The following TRAF5 variants were observed in gnomAD, a reference collection of about 807,000 sequenced individuals.
The protein encoded by TRAF5 is TNF receptor-associated factor 5.
TRAF5 carries 48 observed loss-of-function variants against 64.5 expected under a neutral mutation model. The observed-to-expected ratio is 0.74, with a 90% CI of 0.59 to 0.95. TRAF5 has a LOEUF of 0.95. Ranked by LOEUF, TRAF5 falls within the 40% of genes least tolerant of loss-of-function variation. The pLI is 0.00. For missense variants in TRAF5, 545 were observed against 662.8 expected, an observed-to-expected ratio of 0.82 and a Z score of 1.95; for synonymous variants, 206 against 240.5, an observed-to-expected ratio of 0.86 and a Z score of 1.33.
intron 1 of TRAF5, among the ~76,000 whole-genome samples, chr1:211,334,793 G>T (rs1702247345): frequency 2.6e-5 from 4 of 152,224 alleles, no homozygotes; most frequent in African/African-American, 9.6e-5. Context: ...GGCCATCCTT[G>T]CGAGGAGAAC....
intron 1 of TRAF5, among the ~76,000 whole-genome samples, chr1:211,328,545 G>T (rs1193385819): frequency 6.6e-6 from 1 of 152,194 alleles, no homozygotes; most frequent in Admixed American, 6.5e-5. Context: ...TTGGGTAGTA[G>T]GGCGATGGAA....
At chr1:211,371,524 A>T in intron 10 of TRAF5, 54 bp downstream of exon 10, 1 of 1,556,160 alleles carries the variant, frequency 6.4e-7, no homozygotes, top group Non-Finnish European at 8.7e-7. Context: ...GCATGTGTTC[A>T]TGAAACAACC....
Position 211,359,811 on chromosome 1 carries a change from G to GCTGCCCAC in TRAF5, c.379-99_379-92dup, listed in dbSNP as rs141178015. On this transcript the variant is annotated intron_variant, in intron 4 of 10. Coordinates refer to ENST00000261464, the MANE Select transcript of TRAF5 (RefSeq NM_001033910.3). ...TGCCCTGTGCAAGCCTTTCTGCCCA[G>GCTGCCCAC]CTGCCCACCCTGTTCTCTCTCCCTC... 1.2e-3 allele frequency: 1,763 copies of GCTGCCCAC among 1,442,008 alleles called. 31 individuals are homozygous for GCTGCCCAC. In the East Asian group the frequency reaches 0.037, roughly 30 times the overall value. 89.3% of individuals were successfully genotyped at this position (1,442,008 alleles called of 1,614,324 possible). A position where few individuals can be genotyped will look rare whatever the true frequency, so the allele number is the denominator to read the frequency against.
intron 1 of TRAF5, among the ~76,000 whole-genome samples, chr1:211,335,465 A>G (rs1702265971): frequency 6.6e-6 from 1 of 152,164 alleles, no homozygotes; most frequent in South Asian, 2.1e-4. Context: ...AATATAAGAC[A>G]CAATTCCAGC....
At chr1:211,348,144 A>G (rs887383869) in intron 1 of TRAF5, among the ~76,000 whole-genome samples, 1 of 152,208 alleles carries the variant, frequency 6.6e-6, no homozygotes, top group Non-Finnish European at 1.5e-5. Context: ...TAAATGATAT[A>G]TGATATGCAA....
At chr1:211,351,031 CTTTT>C (rs11426853) in intron 1 of TRAF5, among the ~76,000 whole-genome samples, 1 of 116,036 alleles carries the variant, frequency 8.6e-6, no homozygotes, top group African/African-American at 3.4e-5. Flanking sequence ...CTGGCCTCTT[CTTTT>C]TTTTTTTTTT....
intron 1 of TRAF5, among the ~76,000 whole-genome samples, chr1:211,344,618 T>C (rs1236425004): frequency 3.3e-5 from 5 of 152,196 alleles, no homozygotes; most frequent in African/African-American, 1.2e-4. Flanking sequence ...AGGGGTTTCT[T>C]CTTCAGTTTT....
chr1:211,327,468 C>A (rs376583025), intron 1 of TRAF5, among the ~76,000 whole-genome samples: 1 of 152,236 alleles, frequency 6.6e-6, no homozygotes, highest in Non-Finnish European at 1.5e-5. Flanking sequence ...CCCCCTCCCC[C>A]AGAAGGCGAG....
chr1:211,366,932 G>A lies in TRAF5; in HGVS notation c.789+1464G>A, dbSNP rs544831551. Among the ~76,000 whole-genome samples the A allele has an allele frequency of 8.3e-4, 126 of 152,076 alleles. 1 individual carries two copies. The highest frequency in any genetic ancestry group is 3.4e-3 in the Middle Eastern group (1 of 294). On this transcript the variant is annotated intron_variant, in intron 8 of 10. Coordinates refer to ENST00000261464, the MANE Select transcript of TRAF5 (RefSeq NM_001033910.3). ...TTTTTTCAATAATAGGGAGCTAATG[G>A]AGGTTTCTTAATTGGAAAACACTTG...
intron 6 of TRAF5, 69 bp from the exon 7 acceptor site, chr1:211,361,019 G>A: frequency 6.6e-7 from 1 of 1,507,864 alleles, no homozygotes; most frequent in Non-Finnish European, 9.2e-7. Context: ...AGCCACTCTT[G>A]GCTCCCTGAT....
At chr1:211,350,195 C>T (rs1214432645) in intron 1 of TRAF5, among the ~76,000 whole-genome samples, 2 of 151,762 alleles carry the variant, frequency 1.3e-5, no homozygotes, top group African/African-American at 4.8e-5. Flanking sequence ...GGTCTCAAAC[C>T]CCAGGCTTTT....
intron 1 of TRAF5, among the ~76,000 whole-genome samples, chr1:211,345,022 G>A (rs1258399318): frequency 6.6e-6 from 1 of 152,160 alleles, no homozygotes; most frequent in Non-Finnish European, 1.5e-5. Flanking sequence ...GGGTTCAAAC[G>A]ATTCTCCTGC....
At chr1:211,336,475 C>T (rs1702292704) in intron 1 of TRAF5, among the ~76,000 whole-genome samples, 1 of 152,212 alleles carries the variant, frequency 6.6e-6, no homozygotes. Flanking sequence ...ATGAGCCAGC[C>T]TTGCACTCTC....
chr1:211,361,692 G>GTTTT (rs71134676), intron 7 of TRAF5, among the ~76,000 whole-genome samples: 5 of 75,310 alleles, frequency 6.6e-5, no homozygotes, highest in Non-Finnish European at 7.2e-5. Context: ...AATTATTCGG[G>GTTTT]TTTTTTTTTT....
At chr1:211,351,533 C>T (rs942240048) in intron 1 of TRAF5, among the ~76,000 whole-genome samples, 2 of 151,904 alleles carry the variant, frequency 1.3e-5, no homozygotes, top group Non-Finnish European at 2.9e-5. Flanking sequence ...TGCAAGGAGT[C>T]ATTGCCAAAC....
chr1:211,335,832 G>A (rs1702275118), intron 1 of TRAF5, among the ~76,000 whole-genome samples: 1 of 152,224 alleles, frequency 6.6e-6, no homozygotes, highest in African/African-American at 2.4e-5. Flanking sequence ...ATCCAGGAGA[G>A]GTGGAGGACA....
chr1:211,341,809 A>T (rs1035690076), intron 1 of TRAF5, among the ~76,000 whole-genome samples: 1 of 152,220 alleles, frequency 6.6e-6, no homozygotes, highest in African/African-American at 2.4e-5. Context: ...CCAGCAAAGA[A>T]ATGATTTACA....
chr1:211,340,498 T>C (rs1702418893), intron 1 of TRAF5, among the ~76,000 whole-genome samples: 1 of 152,196 alleles, frequency 6.6e-6, no homozygotes, highest in Non-Finnish European at 1.5e-5. Context: ...GCCAGGCTGC[T>C]CTTGAACTCC....
intron 1 of TRAF5, among the ~76,000 whole-genome samples, chr1:211,350,468 A>G (rs1702753091): frequency 6.6e-6 from 1 of 152,166 alleles, no homozygotes; most frequent in African/African-American, 2.4e-5. Flanking sequence ...GAGGTCCAGG[A>G]TGGTGCTGTA....
Sources: gnomAD v4.1 joint callset for allele counts (sites outside exome capture counted in the v4.1 genomes callset) on GRCh38, gnomAD v4.1.1 for gene constraint, MANE v1.5 for transcripts, NCBI Gene and HGNC (gene_info 2026-07-23, HGNC 2026-07-21) for gene names.